DMD: variants seen among roughly 807,000 people sequenced by gnomAD.
DMD encodes the protein mutant dystrophin.
DMD carries 63 observed loss-of-function variants against 330.1 expected under a neutral mutation model. The ratio of observed to expected loss-of-function variants is 0.19; its 90% CI spans 0.16 to 0.24. The LOEUF is 0.24. DMD is among the 10% of genes least tolerant of loss of function. DMD has a pLI of 1.00. For missense variants in DMD, 3,344 were observed against 2,684.1 expected (o/e 1.25, Z -5.43); for synonymous variants, 1,223 against 959.8 (o/e 1.27, Z -5.07).
At chrX:31,202,757 G>T (rs1410869410) in intron 67 of DMD, among the ~76,000 whole-genome samples, 2 of 111,808 alleles carry the variant, frequency 1.8e-5, no homozygotes, top group African/African-American at 6.5e-5. Flanking sequence ...CTTAGCACTT[G>T]AAAAAACCAA....
At chrX:32,299,825 T>C (rs143951191) in intron 42 of DMD, among the ~76,000 whole-genome samples, 2,073 of 111,160 alleles carry the variant, frequency 0.019, 46 homozygotes, top group African/African-American at 0.063. Flanking sequence ...CTGTCAGCTA[T>C]TACATTCAAG....
intron 4 of DMD, among the ~76,000 whole-genome samples, chrX:32,827,065 C>CCCACA (rs767139724): frequency 0.023 from 1,565 of 68,874 alleles, 67 homozygotes; most frequent in African/African-American, 0.053. Context: ...CACCCCCCCC[C>CCCACA]CACACACACA....
At chrX:32,150,197 T>A (rs942131729) in intron 44 of DMD, among the ~76,000 whole-genome samples, 1 of 112,333 alleles carries the variant, frequency 8.9e-6, no homozygotes, top group Non-Finnish European at 1.9e-5. Context: ...TACAGAGAAC[T>A]TGTTTCTTCA....
chrX:32,355,222 C>A (rs2097795024), intron 37 of DMD, among the ~76,000 whole-genome samples: 1 of 110,738 alleles, frequency 9.0e-6, no homozygotes, highest in Admixed American at 9.7e-5. Context: ...CCAACAAAAA[C>A]TACTTTATGA....
chrX:31,604,960 T>G (rs1269177275), intron 55 of DMD, among the ~76,000 whole-genome samples: 1 of 112,000 alleles, frequency 8.9e-6, no homozygotes, highest in Non-Finnish European at 1.9e-5. Context: ...TATATTGAGG[T>G]TAAGGTTAGT....
At chrX:32,099,229 G>T (rs1283201597) in intron 44 of DMD, among the ~76,000 whole-genome samples, 2 of 111,352 alleles carry the variant, frequency 1.8e-5, no homozygotes, top group Non-Finnish European at 3.8e-5. Flanking sequence ...GTTTTGATTT[G>T]CATGTCTCTG....
intron 1 of DMD, among the ~76,000 whole-genome samples, chrX:33,066,747 T>G (rs989586229): frequency 9.0e-6 from 1 of 111,538 alleles, no homozygotes; most frequent in Non-Finnish European, 1.9e-5. Context: ...AGAATGCATA[T>G]TTTTTGCCTT....
At chrX:32,407,028 G>A (rs1322636556) in intron 30 of DMD, among the ~76,000 whole-genome samples, 1 of 111,422 alleles carries the variant, frequency 9.0e-6, no homozygotes, top group African/African-American at 3.3e-5. Flanking sequence ...AACCCTAGAA[G>A]AAAACCTAGG....
rs145740153 is a variant in DMD, at chrX:32,024,169, T to G, written c.6439-55655A>C. ...GAAATTATTAAAAGTATGATGATCA[T>G]GCATGTGTACTTCGCTTAAAATATT... On this transcript the variant is annotated intron_variant, in intron 44 of 78. Transcript: ENST00000357033. 5.2e-3 allele frequency among the ~76,000 whole-genome samples: 582 copies of G among 112,372 alleles called. 4 individuals carry two copies. Among genetic ancestry groups the G allele is most frequent in the African/African-American group, 0.015 (456 of 30,970 alleles).
intron 1 of DMD, among the ~76,000 whole-genome samples, chrX:33,286,326 A>T (rs1481200587): frequency 8.9e-6 from 1 of 111,941 alleles, no homozygotes; most frequent in African/African-American, 3.2e-5. Context: ...AATACATCCA[A>T]CTTACTCAAC....
chrX:31,364,579 T>C (rs1245372910), intron 60 of DMD, among the ~76,000 whole-genome samples: 1 of 112,241 alleles, frequency 8.9e-6, no homozygotes, highest in African/African-American at 3.2e-5. Flanking sequence ...AAAATTAGCA[T>C]TGATCCTAAA....
chrX:33,292,421 T>C (rs912955915), intron 1 of DMD, among the ~76,000 whole-genome samples: 1 of 111,821 alleles, frequency 8.9e-6, no homozygotes, highest in African/African-American at 3.2e-5. Context: ...ATGTTATTTA[T>C]AAACAGATAT....
chrX:32,248,892 A>C lies in DMD; in HGVS notation c.6291-31829T>G, dbSNP rs73460052. On this transcript the variant is annotated intron_variant, in intron 43 of 78. Coordinates refer to ENST00000357033, the MANE Select transcript of DMD (RefSeq NM_004006.3). ...ATATGCTGATATGCTAATCATTATGAAATAATAGGATGTTCATTTTTATAA... is the reference window on the plus strand; with the variant it reads ...ATATGCTGATATGCTAATCATTATGCAATAATAGGATGTTCATTTTTATAA... 5.8e-3 allele frequency among the ~76,000 whole-genome samples: 645 copies of C among 111,620 alleles called. 9 individuals are homozygous for C. The highest frequency in any genetic ancestry group is 0.02 in the African/African-American group (611 of 30,819).
intron 53 of DMD, among the ~76,000 whole-genome samples, chrX:31,665,107 G>A (rs2081354961): frequency 9.0e-6 from 1 of 111,714 alleles, no homozygotes; most frequent in South Asian, 3.7e-4. Context: ...TCATAAAAAT[G>A]CAGGTTTCTG....
chrX:32,540,281 A>G (rs951895562), intron 17 of DMD, among the ~76,000 whole-genome samples: 25 of 111,490 alleles, frequency 2.2e-4, no homozygotes, highest in African/African-American at 8.1e-4. Flanking sequence ...TTGTGACCCA[A>G]GATCATCAGA....
chrX:31,236,067 C>T (rs1411901837), intron 63 of DMD, among the ~76,000 whole-genome samples: 1 of 112,072 alleles, frequency 8.9e-6, no homozygotes, highest in African/African-American at 3.2e-5. Context: ...ATTTCCCTTC[C>T]CAAATGGAAA....
At chrX:32,320,869 G>GT (rs1224132836) in intron 41 of DMD, among the ~76,000 whole-genome samples, 1 of 111,469 alleles carries the variant, frequency 9.0e-6, no homozygotes, top group Non-Finnish European at 1.9e-5. Context: ...TTGTAGCCTA[G>GT]TTTTTTCACA....
chrX:33,215,220 GA>G (rs1437305573), upstream of DMD, among the ~76,000 whole-genome samples: 16 of 108,470 alleles, frequency 1.5e-4, 1 homozygote, highest in Admixed American at 1.2e-3. Flanking sequence ...AGCCACTCAG[GA>G]GGCTGAGGCT....
At chrX:31,753,169 G>T (rs988204402) in intron 51 of DMD, among the ~76,000 whole-genome samples, 1 of 111,962 alleles carries the variant, frequency 8.9e-6, no homozygotes, top group Non-Finnish European at 1.9e-5. Flanking sequence ...GTGTGAGGGA[G>T]GTGGCGAGGC....
Sources: gnomAD v4.1 joint callset for allele counts (sites outside exome capture counted in the v4.1 genomes callset) on GRCh38, gnomAD v4.1.1 for gene constraint, MANE v1.5 for transcripts, NCBI Gene and HGNC (gene_info 2026-07-23, HGNC 2026-07-21) for gene names.